ARHGAP15: variants seen among roughly 807,000 people sequenced by gnomAD.
ARHGAP15 encodes Rho GTPase activating protein 15, also known as rho GTPase-activating protein 15.
A neutral mutation model predicts 63.7 loss-of-function variants in ARHGAP15; 51 were observed. The ratio of observed to expected loss-of-function variants is 0.80; its 90% CI spans 0.64 to 1.01. The LOEUF is 1.01. ARHGAP15 is among the 50% of genes least tolerant of loss of function. ARHGAP15 has a pLI of 0.00. For synonymous variants in ARHGAP15, 191 were observed against 193.8 expected, an observed-to-expected ratio of 0.99 and a Z score of 0.12; for missense variants, 560 against 564.6, an observed-to-expected ratio of 0.99 and a Z score of 0.08.
chr2:143,704,388 A>G (rs1054188532), intron 13 of ARHGAP15, among the ~76,000 whole-genome samples: 34 of 152,224 alleles, frequency 2.2e-4, no homozygotes, highest in African/African-American at 7.5e-4. Flanking sequence ...AGAAATGGGT[A>G]GAGATATTGT....
At chr2:143,163,457 G>A (rs534684026) in intron 2 of ARHGAP15, among the ~76,000 whole-genome samples, 1 of 151,608 alleles carries the variant, frequency 6.6e-6, no homozygotes, top group East Asian at 1.9e-4. Flanking sequence ...ATGGAGAGAT[G>A]TATTTGTATA....
chr2:143,631,906 C>T (rs1680052521), intron 12 of ARHGAP15, among the ~76,000 whole-genome samples: 1 of 151,892 alleles, frequency 6.6e-6, no homozygotes, highest in South Asian at 2.1e-4. Context: ...TTAGTCTCAG[C>T]CAGTGAATTT....
intron 2 of ARHGAP15, among the ~76,000 whole-genome samples, chr2:143,156,396 T>C (rs571333238): frequency 6.6e-6 from 1 of 152,038 alleles, no homozygotes; most frequent in East Asian, 1.9e-4. Context: ...TTAGCCACTC[T>C]TTTGGACCCC....
intron 6 of ARHGAP15, among the ~76,000 whole-genome samples, chr2:143,253,295 C>A (rs1266192622): frequency 1.4e-5 from 2 of 147,828 alleles, no homozygotes; most frequent in Non-Finnish European, 3.0e-5. Flanking sequence ...GGAAAACAAA[C>A]AAAAAATTGT....
intron 12 of ARHGAP15, among the ~76,000 whole-genome samples, chr2:143,683,446 T>C (rs1486904056): frequency 2.6e-5 from 4 of 151,246 alleles, no homozygotes; most frequent in Non-Finnish European, 5.9e-5. Context: ...AAAAAAAACA[T>C]ATTGGGAAAA....
At chr2:143,513,597 T>A (rs992267541) in intron 9 of ARHGAP15, among the ~76,000 whole-genome samples, 2 of 152,222 alleles carry the variant, frequency 1.3e-5, no homozygotes, top group African/African-American at 4.8e-5. Context: ...TTAAGGTCAC[T>A]CATATCCTGA....
At chr2:143,651,780 T>C (rs911758925) in intron 12 of ARHGAP15, among the ~76,000 whole-genome samples, 1 of 151,996 alleles carries the variant, frequency 6.6e-6, no homozygotes, top group Non-Finnish European at 1.5e-5. Flanking sequence ...AGGTATTACA[T>C]TGTGGTTTGT....
intron 8 of ARHGAP15, among the ~76,000 whole-genome samples, chr2:143,446,238 G>A (rs1160801760): frequency 6.6e-6 from 1 of 151,048 alleles, no homozygotes; most frequent in African/African-American, 2.4e-5. Flanking sequence ...TGTATATAGT[G>A]GATCTAAAAT....
intron 2 of ARHGAP15, among the ~76,000 whole-genome samples, chr2:143,198,049 A>G (rs1490123262): frequency 1.3e-5 from 2 of 151,914 alleles, no homozygotes; most frequent in African/African-American, 4.8e-5. Flanking sequence ...TTATTCCTAG[A>G]TCTAGGTTAA....
intron 11 of ARHGAP15, among the ~76,000 whole-genome samples, chr2:143,592,307 A>G (rs1028346877): frequency 2.0e-5 from 3 of 152,222 alleles, no homozygotes; most frequent in Admixed American, 6.6e-5. Context: ...ATCTTTGCCT[A>G]TAATGTATCT....
chr2:143,615,379 A>G (rs955581905), intron 11 of ARHGAP15, among the ~76,000 whole-genome samples: 13 of 152,292 alleles, frequency 8.5e-5, no homozygotes, highest in African/African-American at 2.9e-4. Context: ...TTTCAATGTT[A>G]CCATTTCTAA....
chr2:143,363,050 C>T (rs903146004), intron 6 of ARHGAP15, among the ~76,000 whole-genome samples: 57 of 152,228 alleles, frequency 3.7e-4, no homozygotes, highest in African/African-American at 1.4e-3. Flanking sequence ...AATTTTCATT[C>T]TATTTAGAAA....
At chr2:143,185,618 G>T (rs1371638898) in intron 2 of ARHGAP15, among the ~76,000 whole-genome samples, 1 of 152,052 alleles carries the variant, frequency 6.6e-6, no homozygotes, top group Admixed American at 6.6e-5. Context: ...CCTCATTCCC[G>T]ATAGATCCTT....
chr2:143,608,566 A>G (rs1698131174), intron 11 of ARHGAP15: 1 of 152,220 alleles, frequency 6.6e-6, no homozygotes, highest in South Asian at 2.1e-4. Context: ...ATTACTAACT[A>G]ATTGAACTAC....
At chr2:143,606,031 G>A (rs1173884096) in intron 11 of ARHGAP15, among the ~76,000 whole-genome samples, 2 of 42,618 alleles carry the variant, frequency 4.7e-5, no homozygotes, top group African/African-American at 1.0e-4. Flanking sequence ...GCAAGACTCT[G>A]TCTCAAAAAA....
At chr2:143,711,593 T>G (rs915645508) in intron 13 of ARHGAP15, among the ~76,000 whole-genome samples, 1 of 152,184 alleles carries the variant, frequency 6.6e-6, no homozygotes, top group South Asian at 2.1e-4. Context: ...GTAAACAAGT[T>G]AAATTGTGAA....
intron 11 of ARHGAP15, among the ~76,000 whole-genome samples, chr2:143,600,132 G>C (rs543355198): frequency 6.6e-6 from 1 of 151,944 alleles, no homozygotes; most frequent in Non-Finnish European, 1.5e-5. Flanking sequence ...TTTTCTTGTC[G>C]GCCTGATTTG....
chr2:143,523,050 A>T (rs1334874338), intron 10 of ARHGAP15, among the ~76,000 whole-genome samples: 1 of 152,170 alleles, frequency 6.6e-6, no homozygotes, highest in African/African-American at 2.4e-5. Flanking sequence ...CATGTAATTG[A>T]CTATCCTTTG....
intron 2 of ARHGAP15, among the ~76,000 whole-genome samples, chr2:143,161,488 C>T (rs971122790): frequency 2.0e-5 from 3 of 151,700 alleles, no homozygotes; most frequent in African/African-American, 7.3e-5. Flanking sequence ...TTAGGAGTTC[C>T]GTCTTTGAAT....
Sources: gnomAD v4.1 joint callset for allele counts (sites outside exome capture counted in the v4.1 genomes callset) on GRCh38, gnomAD v4.1.1 for gene constraint, MANE v1.5 for transcripts, NCBI Gene and HGNC (gene_info 2026-07-23, HGNC 2026-07-21) for gene names.